CLEC16A: variants seen among roughly 807,000 people sequenced by gnomAD.
CLEC16A encodes the protein C-type lectin domain containing 16A, also known as protein CLEC16A.
A neutral mutation model predicts 109.5 loss-of-function variants in CLEC16A; 51 were observed. That is an observed-to-expected ratio of 0.47 (90% confidence interval 0.37 to 0.59). CLEC16A has a LOEUF of 0.59. Among genes scored for constraint, CLEC16A ranks in the 20% least tolerant of loss-of-function variants. CLEC16A has a pLI of 0.00. For synonymous variants in CLEC16A, 673 were observed against 564.2 expected, an observed-to-expected ratio of 1.19 and a Z score of -2.73; for missense variants, 1,339 against 1,394.0, an observed-to-expected ratio of 0.96 and a Z score of 0.63.
chr16:10,978,479 C>T (rs900344335), intron 8 of CLEC16A, among the ~76,000 whole-genome samples: 1 of 152,214 alleles, frequency 6.6e-6, no homozygotes, highest in East Asian at 1.9e-4. Context: ...ACCATGTTGG[C>T]CGGGCTGGTC....
chr16:10,958,832 A>C (rs1368226420), intron 2 of CLEC16A, among the ~76,000 whole-genome samples: 4 of 152,126 alleles, frequency 2.6e-5, no homozygotes, highest in African/African-American at 9.7e-5. Context: ...TGAGCCCAGG[A>C]GGTCCAGGCT....
At chr16:11,050,301 G>C (rs1320010300) in intron 17 of CLEC16A, among the ~76,000 whole-genome samples, 1 of 152,164 alleles carries the variant, frequency 6.6e-6, no homozygotes, top group Non-Finnish European at 1.5e-5. Context: ...TCACACTGGG[G>C]ATTAAGTTTC....
At chr16:10,977,534 G>T in intron 8 of CLEC16A, 135 bp downstream of exon 8, 1 of 887,564 alleles carries the variant, frequency 1.1e-6, no homozygotes, top group Non-Finnish European at 1.7e-6. Flanking sequence ...GTTTTTAAAA[G>T]ACGGAGTTTT....
chr16:11,043,838 C>T (rs1029006503), intron 15 of CLEC16A, among the ~76,000 whole-genome samples, 190 bp from the exon 16 acceptor site: 1 of 151,778 alleles, frequency 6.6e-6, no homozygotes, highest in African/African-American at 2.4e-5. Context: ...GCACTCCATG[C>T]ACTCCAGCCT....
At position 11,060,883 on chromosome 16, in the gene CLEC16A, C is replaced by G. The variant is rs1163067242; in HGVS notation, c.1996-19C>G. 6.3e-7 allele frequency: 1 copy of G among 1,598,062 alleles called. No homozygotes were observed. Among genetic ancestry groups the G allele is most frequent in the Non-Finnish European group, 8.5e-7 (1 of 1,171,276 alleles). On this transcript the variant is annotated intron_variant, in intron 18 of 23. Transcript: ENST00000409790. ...CTCTGCAATCTCACTCTTCTCTGCT[C>G]TCTGAACTGTTGGTCCAGGCCATCC... is the stretch of plus-strand genomic sequence containing the variant.
intron 2 of CLEC16A, among the ~76,000 whole-genome samples, chr16:10,958,441 C>T (rs1043176953): frequency 1.3e-5 from 2 of 152,154 alleles, no homozygotes; most frequent in African/African-American, 4.8e-5. Flanking sequence ...TGAGGGGTCC[C>T]GCAACTCACC....
intron 7 of CLEC16A, among the ~76,000 whole-genome samples, chr16:10,973,413 T>C (rs1043149928): frequency 2.6e-5 from 4 of 152,136 alleles, no homozygotes; most frequent in African/African-American, 9.7e-5. Context: ...AGGAATGAAG[T>C]GCTGACACTT....
chr16:10,956,793 C>CTTATTTAT (rs60491400), intron 1 of CLEC16A, among the ~76,000 whole-genome samples: 23 of 151,874 alleles, frequency 1.5e-4, no homozygotes, highest in African/African-American at 4.3e-4. Context: ...CTCTGCAGCC[C>CTTATTTAT]TTATTTATTT....
Position 10,979,355 on chromosome 16 carries a change from G to A in CLEC16A, c.930G>A (p.Leu310=), listed in dbSNP as rs767822980. 1.2e-6 allele frequency: 2 copies of A among 1,613,074 alleles called. No homozygotes were observed. The highest frequency in any genetic ancestry group is 1.7e-6 in the Non-Finnish European group (2 of 1,179,600). The change falls in exon 9 of 24, where the codon CTG becomes CTA. Residue 310 remains leucine, a synonymous_variant. Transcript: ENST00000409790. ...DKGGERPKIS[L]PVSLYLLSQV... Reference sequence around the variant, plus strand: ...GAGGAGAACGGCCGAAAATTAGCCTGCCGGTGTCTCTTTATCTTCTGTCAC... The same window carrying A: ...GAGGAGAACGGCCGAAAATTAGCCTACCGGTGTCTCTTTATCTTCTGTCAC...
chr16:11,047,454 C>T, intron 17 of CLEC16A, 112 bp downstream of exon 17: 1 of 616,314 alleles, frequency 1.6e-6, no homozygotes, highest in Non-Finnish European at 2.6e-6. Context: ...GACCAAATAG[C>T]ACAGATTGAT....
intron 19 of CLEC16A, among the ~76,000 whole-genome samples, chr16:11,105,924 AG>A (rs1480977400): frequency 6.6e-6 from 1 of 152,242 alleles, no homozygotes; most frequent in African/African-American, 2.4e-5. Context: ...AAGATTCTGC[AG>A]AGTTAAGAGA....
intron 16 of CLEC16A, among the ~76,000 whole-genome samples, chr16:11,044,374 A>C (rs889207299): frequency 6.6e-6 from 1 of 152,232 alleles, no homozygotes; most frequent in Non-Finnish European, 1.5e-5. Context: ...CTACGTACGT[A>C]TAAACACATA....
At chr16:11,022,695 C>G (rs182770603) in intron 12 of CLEC16A, among the ~76,000 whole-genome samples, 2 of 151,734 alleles carry the variant, frequency 1.3e-5, no homozygotes, top group African/African-American at 4.8e-5. Flanking sequence ...GTCAGGAGAT[C>G]GAGACCATCC....
intron 22 of CLEC16A, among the ~76,000 whole-genome samples, chr16:11,130,111 G>T (rs921412818): frequency 6.6e-6 from 1 of 152,208 alleles, no homozygotes; most frequent in Non-Finnish European, 1.5e-5. Context: ...CCTGGCTGAT[G>T]CCTTTGTGTG....
intron 19 of CLEC16A, among the ~76,000 whole-genome samples, chr16:11,107,216 C>T (rs1420027319): frequency 1.3e-5 from 2 of 150,930 alleles, no homozygotes; most frequent in African/African-American, 4.9e-5. Flanking sequence ...TGCTGGTTTC[C>T]TTTACAAATC....
At chr16:11,017,341 T>TGGAG (rs1392854266) in intron 11 of CLEC16A, among the ~76,000 whole-genome samples, 1 of 152,050 alleles carries the variant, frequency 6.6e-6, no homozygotes, top group Non-Finnish European at 1.5e-5. Flanking sequence ...CCTGTTCTAG[T>TGGAG]GGAGGAAGGC....
chr16:11,018,602 A>C (rs1291276213), intron 11 of CLEC16A, among the ~76,000 whole-genome samples: 1 of 152,088 alleles, frequency 6.6e-6, no homozygotes, highest in East Asian at 1.9e-4. Flanking sequence ...ACAAAAGATT[A>C]GCTGGGTGTG....
At chr16:10,964,166 G>A (rs2042389475) in intron 3 of CLEC16A, among the ~76,000 whole-genome samples, 1 of 152,214 alleles carries the variant, frequency 6.6e-6, no homozygotes, top group Admixed American at 6.5e-5. Flanking sequence ...AGGTGAAAGG[G>A]CTGCTGAGTG....
intron 19 of CLEC16A, among the ~76,000 whole-genome samples, chr16:11,062,157 C>CA (rs563954510): frequency 1.0e-3 from 155 of 150,874 alleles, no homozygotes; most frequent in African/African-American, 3.6e-3. Flanking sequence ...GAGGGAGGGC[C>CA]AGTTCCTTTT....
Sources: allele counts gnomAD v4.1 joint callset (sites outside exome capture counted in the v4.1 genomes callset), GRCh38; gene constraint gnomAD v4.1.1; transcripts MANE v1.5; gene names NCBI Gene and HGNC (gene_info 2026-07-23, HGNC 2026-07-21).